The following CMSS1 variants were observed in gnomAD, a reference collection of about 807,000 sequenced individuals.
The protein encoded by CMSS1 is cms1 ribosomal small subunit homolog.
CMSS1 carries 33 observed loss-of-function variants against 43.5 expected under a neutral mutation model. That is an observed-to-expected ratio of 0.76 (90% CI 0.57 to 1.01). CMSS1 has a LOEUF of 1.01. Ranked by LOEUF, CMSS1 falls within the 50% of genes least tolerant of loss-of-function variation. The probability of loss-of-function intolerance (pLI) is 0.00; values close to 1 mark genes in which losing one functional copy is unlikely to be tolerated. For missense variants in CMSS1, 313 were observed against 326.4 expected, an observed-to-expected ratio of 0.96 and a Z score of 0.32; for synonymous variants, 115 against 117.2, an observed-to-expected ratio of 0.98 and a Z score of 0.12.
intron 1 of CMSS1, among the ~76,000 whole-genome samples, chr3:99,964,030 C>A (rs751185349): frequency 6.6e-6 from 1 of 151,984 alleles, no homozygotes; most frequent in Non-Finnish European, 1.5e-5. Context: ...ACTTTATAAT[C>A]TTCAAGCCCA....
At chr3:100,002,245 T>C (rs918944448) in intron 1 of CMSS1, among the ~76,000 whole-genome samples, 1 of 152,198 alleles carries the variant, frequency 6.6e-6, no homozygotes, top group Admixed American at 6.5e-5. Flanking sequence ...GGTTTAGAGT[T>C]AGGTTAGAGC....
intron 1 of CMSS1, among the ~76,000 whole-genome samples, chr3:100,110,448 A>G (rs928960834): frequency 6.6e-6 from 1 of 152,086 alleles, no homozygotes; most frequent in Non-Finnish European, 1.5e-5. Flanking sequence ...TAGTCAAGTG[A>G]TTGTCCCTGG....
Position 99,910,500 on chromosome 3 carries a change from G to T in CMSS1, c.64+92457G>T, listed in dbSNP as rs957945123. ...TAAACAAACACATGTCTTCACAGTT[G>T]TTAGGTGCTAGGTGAAGTGGCAGAT... On this transcript the variant is annotated intron_variant, in intron 1 of 9. Transcript: ENST00000421999. Among the ~76,000 whole-genome samples the T allele has an allele frequency of 8.0e-5, 11 of 136,682 alleles. 4 individuals carry two copies. The highest frequency in any genetic ancestry group is 1.8e-4 in the Non-Finnish European group (11 of 59,684). 89.7% of individuals were successfully genotyped at this position (136,682 alleles called of 152,430 possible). A position where few individuals can be genotyped will look rare whatever the true frequency, so the allele number is the denominator to read the frequency against.
chr3:99,893,422 C>G (rs1484708768), intron 1 of CMSS1, among the ~76,000 whole-genome samples: 1 of 152,280 alleles, frequency 6.6e-6, no homozygotes, highest in South Asian at 2.1e-4. Flanking sequence ...GTCTCGGCCT[C>G]CCAAAGTGCT....
intron 1 of CMSS1, among the ~76,000 whole-genome samples, chr3:99,951,683 T>A (rs569983173): frequency 6.6e-6 from 1 of 152,302 alleles, no homozygotes; most frequent in South Asian, 2.1e-4. Flanking sequence ...CCACCTTATG[T>A]CTCTTCCCTA....
chr3:99,886,116 C>T (rs1278425702), intron 1 of CMSS1, among the ~76,000 whole-genome samples: 1 of 152,204 alleles, frequency 6.6e-6, no homozygotes, highest in Non-Finnish European at 1.5e-5. Context: ...TGCACACGTG[C>T]ACATGGACGT....
At chr3:100,025,792 A>G (rs2064909507) in intron 1 of CMSS1, among the ~76,000 whole-genome samples, 1 of 152,122 alleles carries the variant, frequency 6.6e-6, no homozygotes, top group African/African-American at 2.4e-5. Flanking sequence ...GAGTTTGAGA[A>G]GCTCTGCTGT....
chr3:100,086,451 T>G (rs1486926658), intron 1 of CMSS1, among the ~76,000 whole-genome samples: 1 of 152,226 alleles, frequency 6.6e-6, no homozygotes, highest in Non-Finnish European at 1.5e-5. Flanking sequence ...CTCTTATCTG[T>G]GCTTTCTCAC....
At chr3:100,017,365 T>C (rs1710374900) in intron 1 of CMSS1, among the ~76,000 whole-genome samples, 1 of 152,208 alleles carries the variant, frequency 6.6e-6, no homozygotes. Context: ...ATGACCATGC[T>C]AATCACTCCT....
intron 1 of CMSS1, among the ~76,000 whole-genome samples, chr3:99,989,981 A>G (rs977151524): frequency 1.3e-5 from 2 of 152,106 alleles, no homozygotes; most frequent in Admixed American, 6.6e-5. Flanking sequence ...CAAAGCAATA[A>G]TGCCAGTGGT....
chr3:99,990,363 A>T (rs1468871293), intron 1 of CMSS1, among the ~76,000 whole-genome samples: 1 of 152,196 alleles, frequency 6.6e-6, no homozygotes. Context: ...TGATCCGTTC[A>T]ATCTCTCTAT....
chr3:99,821,472 A>G (rs893583645), intron 1 of CMSS1, among the ~76,000 whole-genome samples: 1 of 152,224 alleles, frequency 6.6e-6, no homozygotes, highest in Non-Finnish European at 1.5e-5. Flanking sequence ...TGTGCAGCCC[A>G]GGATGCCTTA....
intron 1 of CMSS1, among the ~76,000 whole-genome samples, chr3:99,997,060 A>T (rs1279647633): frequency 1.3e-5 from 2 of 152,234 alleles, no homozygotes; most frequent in African/African-American, 4.8e-5. Flanking sequence ...TGAAATTAAC[A>T]ACCTAACATC....
chr3:99,978,832 C>T (rs1709041458), intron 1 of CMSS1, among the ~76,000 whole-genome samples: 2 of 151,924 alleles, frequency 1.3e-5, no homozygotes, highest in African/African-American at 4.8e-5. Context: ...CTGCAGTGAG[C>T]TGAGATTACA....
chr3:100,157,742 T>G (rs1296190437), intron 2 of CMSS1, among the ~76,000 whole-genome samples: 1 of 152,148 alleles, frequency 6.6e-6, no homozygotes, highest in African/African-American at 2.4e-5. Context: ...AGATCTCCAG[T>G]CGGCTGGCAG....
At chr3:99,849,537 C>T in intron 1 of CMSS1, 2 of 1,613,140 alleles carry the variant, frequency 1.2e-6, no homozygotes, top group Non-Finnish European at 1.7e-6. Context: ...TTGAGAGGTG[C>T]CCTGACTTAG....
chr3:99,820,554 G>A (rs1942416676), intron 1 of CMSS1, among the ~76,000 whole-genome samples: 1 of 152,156 alleles, frequency 6.6e-6, no homozygotes, highest in Admixed American at 6.5e-5. Context: ...TGCTTTGTTC[G>A]CTGCTCTTAA....
chr3:100,128,754 A>G (rs1465747549), intron 1 of CMSS1, among the ~76,000 whole-genome samples: 1 of 152,218 alleles, frequency 6.6e-6, no homozygotes, highest in Non-Finnish European at 1.5e-5. Flanking sequence ...ATGAAATCAT[A>G]CAGGATGTAC....
chr3:100,035,322 G>T (rs1293324310), intron 1 of CMSS1, among the ~76,000 whole-genome samples: 11 of 152,194 alleles, frequency 7.2e-5, no homozygotes, highest in Non-Finnish European at 1.5e-4. Context: ...CACCCAGGCT[G>T]GAGTTCAATG....
Sources: gnomAD v4.1 joint callset for allele counts (sites outside exome capture counted in the v4.1 genomes callset) on GRCh38, gnomAD v4.1.1 for gene constraint, MANE v1.5 for transcripts, NCBI Gene and HGNC (gene_info 2026-07-23, HGNC 2026-07-21) for gene names.